Variants in CAMKMT observed in about 807,000 individuals in gnomAD.
CAMKMT encodes the protein calmodulin-lysine N-methyltransferase.
CAMKMT carries 53 observed loss-of-function variants against 48.0 expected under a neutral mutation model. The ratio of observed to expected loss-of-function variants is 1.10; its 90% CI spans 0.89 to 1.39. The LOEUF is 1.39. Among genes scored for constraint, CAMKMT ranks in the 40% most tolerant of loss-of-function variants. The probability of loss-of-function intolerance (pLI) is 0.00; values close to 1 mark genes in which losing one functional copy is unlikely to be tolerated. For missense variants in CAMKMT, 428 were observed against 402.7 expected (o/e 1.06, Z -0.54); for synonymous variants, 165 against 152.3 (o/e 1.08, Z -0.61).
At chr2:44,480,342 T>G (rs1389301782) in intron 3 of CAMKMT, among the ~76,000 whole-genome samples, 1 of 152,070 alleles carries the variant, frequency 6.6e-6, no homozygotes, top group African/African-American at 2.4e-5. Flanking sequence ...CAGAATAAAC[T>G]CCATATTAGG....
Position 44,768,359 on chromosome 2 carries a change from A to T in CAMKMT, c.894+1798A>T, listed in dbSNP as rs921898451. On this transcript the variant is annotated intron_variant, in intron 10 of 10. Coordinates refer to ENST00000378494, the MANE Select transcript of CAMKMT (RefSeq NM_024766.5). Reference sequence around the variant, plus strand: ...GCGCCCATGATATATATATATATATATATTTTTTTTTTTTTTTTAATAATG... The same window carrying T: ...GCGCCCATGATATATATATATATATTTATTTTTTTTTTTTTTTTAATAATG... Among the ~76,000 whole-genome samples the T allele has an allele frequency of 7.8e-3, 788 of 101,490 alleles. 6 individuals are homozygous for T. Among genetic ancestry groups the T allele is most frequent in the East Asian group, 0.051 (180 of 3,504 alleles). 66.6% of individuals were successfully genotyped at this position (101,490 alleles called of 152,430 possible). A position where few individuals can be genotyped will look rare whatever the true frequency, so the allele number is the denominator to read the frequency against.
At chr2:44,615,357 G>T (rs139416581) in intron 3 of CAMKMT, among the ~76,000 whole-genome samples, 2 of 152,268 alleles carry the variant, frequency 1.3e-5, no homozygotes, top group African/African-American at 4.8e-5. Flanking sequence ...CCGGGGAAGA[G>T]CAATAATCAA....
intron 3 of CAMKMT, among the ~76,000 whole-genome samples, chr2:44,396,580 A>G (rs905083309): frequency 8.5e-5 from 13 of 152,140 alleles, no homozygotes; most frequent in African/African-American, 2.7e-4. Context: ...GGCAAAGATG[A>G]AAGAAGTTAA....
chr2:44,755,537 A>ACT (rs1680335175), intron 9 of CAMKMT, among the ~76,000 whole-genome samples: 1 of 152,060 alleles, frequency 6.6e-6, no homozygotes, highest in African/African-American at 2.4e-5. Context: ...ATAGTACTTC[A>ACT]CTCATCACCA....
At chr2:44,675,547 A>T (rs1405930967) in intron 3 of CAMKMT, among the ~76,000 whole-genome samples, 3 of 152,170 alleles carry the variant, frequency 2.0e-5, no homozygotes, top group Non-Finnish European at 4.4e-5. Flanking sequence ...GACATACAAG[A>T]CAAATTATTT....
intron 3 of CAMKMT, among the ~76,000 whole-genome samples, chr2:44,412,970 G>C (rs1021189434): frequency 6.6e-6 from 1 of 151,858 alleles, no homozygotes; most frequent in Non-Finnish European, 1.5e-5. Flanking sequence ...CAGCTATTAG[G>C]GGGGCGGAGG....
chr2:44,621,266 C>CAAAAAAAAAAAA (rs10667154), intron 3 of CAMKMT, among the ~76,000 whole-genome samples: 5 of 84,514 alleles, frequency 5.9e-5, no homozygotes, highest in African/African-American at 2.7e-4. Context: ...GACTCCATCT[C>CAAAAAAAAAAAA]AAAAAAAAAA....
intron 3 of CAMKMT, among the ~76,000 whole-genome samples, chr2:44,542,537 A>ACACACTCTCT (rs1237950640): frequency 4.4e-5 from 3 of 67,986 alleles, no homozygotes; most frequent in East Asian, 2.7e-4. Flanking sequence ...ACACACACAC[A>ACACACTCTCT]CTCTCTCTCT....
chr2:44,460,716 CTTTTTT>C (rs1202949999), intron 3 of CAMKMT, among the ~76,000 whole-genome samples: 28 of 103,242 alleles, frequency 2.7e-4, no homozygotes, highest in Non-Finnish European at 4.4e-4. Context: ...GTGATAGATT[CTTTTTT>C]TTTTTTTTTT....
chr2:44,449,696 A>G (rs963810127), intron 3 of CAMKMT, among the ~76,000 whole-genome samples: 9 of 152,296 alleles, frequency 5.9e-5, no homozygotes, highest in Non-Finnish European at 1.3e-4. Context: ...ATGCTAATTA[A>G]TACTTGCTTA....
chr2:44,437,201 C>G (rs1037357091), intron 3 of CAMKMT, among the ~76,000 whole-genome samples: 1 of 152,084 alleles, frequency 6.6e-6, no homozygotes, highest in Non-Finnish European at 1.5e-5. Flanking sequence ...CTTTATCCTT[C>G]TTAAGAAAAA....
rs973550007 is a variant in CAMKMT, at chr2:44,439,980, C to T, written c.376+49675C>T. Among the ~76,000 whole-genome samples the T allele has an allele frequency of 1.2e-4, 18 of 152,252 alleles. No homozygotes were observed. In the East Asian group the frequency reaches 2.9e-3, roughly 25 times the overall value. On this transcript the variant is annotated intron_variant, in intron 3 of 10. Transcript: ENST00000378494. Reference sequence around the variant, plus strand: ...ATTTTCTACTTGGAGACAAAGGTCTCATTGGCAGGCTCAAGCCTCTCATCT... The same window carrying T: ...ATTTTCTACTTGGAGACAAAGGTCTTATTGGCAGGCTCAAGCCTCTCATCT...
rs75131440 is a variant in CAMKMT at position 44,593,149 on chromosome 2, G to A, written c.377-111134G>A. Reference sequence around the variant, plus strand: ...GGTGGGACCAGCAATATTTATGTAGGGCAAATTTTTCCACACCACTGAGGC... The same window carrying A: ...GGTGGGACCAGCAATATTTATGTAGAGCAAATTTTTCCACACCACTGAGGC... On this transcript the variant is annotated intron_variant, in intron 3 of 10. Transcript: ENST00000378494. 2.0e-4 allele frequency among the ~76,000 whole-genome samples: 31 copies of A among 152,186 alleles called. No individual in the cohort carries two copies. In the East Asian group the frequency reaches 4.8e-3, roughly 24 times the overall value.
At chr2:44,593,405 A>T (rs6727871) in intron 3 of CAMKMT, among the ~76,000 whole-genome samples, 97,835 of 151,970 alleles carry the variant, frequency 0.64, 31,975 homozygotes, top group Admixed American at 0.71. Context: ...CTGGGTTCTA[A>T]CTCTTTGCAG....
chr2:44,666,496 G>A (rs756126538), intron 3 of CAMKMT, among the ~76,000 whole-genome samples: 7 of 152,064 alleles, frequency 4.6e-5, no homozygotes, highest in Non-Finnish European at 1.0e-4. Context: ...CAAATAGGGT[G>A]AACAGACAGA....
intron 3 of CAMKMT, among the ~76,000 whole-genome samples, chr2:44,410,848 A>C (rs1683154212): frequency 6.6e-6 from 1 of 152,164 alleles, no homozygotes; most frequent in African/African-American, 2.4e-5. Context: ...GGATTGGTGA[A>C]TTTTAGCTCC....
chr2:44,429,438 T>G (rs1684501536), intron 3 of CAMKMT, among the ~76,000 whole-genome samples: 1 of 152,158 alleles, frequency 6.6e-6, no homozygotes, highest in Non-Finnish European at 1.5e-5. Flanking sequence ...TCTCTTTGCT[T>G]CTTTCCTGGT....
At chr2:44,522,336 T>G (rs1223224) in intron 3 of CAMKMT, among the ~76,000 whole-genome samples, 9,198 of 152,238 alleles carry the variant, frequency 0.06, 322 homozygotes, top group Non-Finnish European at 0.07. Flanking sequence ...ATCTGTCTCT[T>G]TCTGTCTAAA....
intron 6 of CAMKMT, among the ~76,000 whole-genome samples, chr2:44,709,512 A>G (rs1677757476): frequency 1.3e-5 from 2 of 152,126 alleles, no homozygotes; most frequent in African/African-American, 4.8e-5. Flanking sequence ...AAAATTGGCA[A>G]TGTGTTTTTC....
Sources: allele counts gnomAD v4.1 joint callset (sites outside exome capture counted in the v4.1 genomes callset), GRCh38; gene constraint gnomAD v4.1.1; transcripts MANE v1.5; gene names NCBI Gene and HGNC (gene_info 2026-07-23, HGNC 2026-07-21).